The following ACBD6 variants were observed in gnomAD, a reference collection of about 807,000 sequenced individuals.
ACBD6 encodes acyl-CoA binding domain containing 6.
ACBD6 carries 28 observed loss-of-function variants against 37.2 expected under a neutral mutation model. That is an observed-to-expected ratio of 0.75 (90% CI 0.56 to 1.03). ACBD6 has a LOEUF of 1.03. Ranked by LOEUF, ACBD6 falls within the 50% of genes least tolerant of loss-of-function variation. The pLI is 0.00. For missense variants in ACBD6, 340 were observed against 337.4 expected, an observed-to-expected ratio of 1.01 and a Z score of -0.06; for synonymous variants, 113 against 126.8, an observed-to-expected ratio of 0.89 and a Z score of 0.73.
At chr1:180,495,358 A>T (rs924554676) in intron 2 of ACBD6, 103 bp downstream of exon 2, 2 of 801,232 alleles carry the variant, frequency 2.5e-6, no homozygotes, top group African/African-American at 3.5e-5. Context: ...GCAGAGAGAG[A>T]GATTAATATA....
chr1:180,281,830 C>A (rs1649323903), intron 8 of ACBD6, among the ~76,000 whole-genome samples: 1 of 152,114 alleles, frequency 6.6e-6, no homozygotes, highest in African/African-American at 2.4e-5. Context: ...TATTATCATC[C>A]TTCTAAAAGG....
chr1:180,376,008 AGAAAAATGGG>A (rs1256071224), intron 6 of ACBD6, among the ~76,000 whole-genome samples: 1 of 152,214 alleles, frequency 6.6e-6, no homozygotes, highest in African/African-American at 2.4e-5. Flanking sequence ...AAAACCTGAT[AGAAAAATGGG>A]GAAAAATGTG....
chr1:180,279,472 A>G (rs1424595041), intron 9 of ACBD6, among the ~76,000 whole-genome samples: 1 of 151,940 alleles, frequency 6.6e-6, no homozygotes, highest in African/African-American at 2.4e-5. Context: ...AATTTTTTGT[A>G]TTTTTAGTAG....
At chr1:180,388,125 A>C (rs921255530) in intron 6 of ACBD6, among the ~76,000 whole-genome samples, 1 of 151,088 alleles carries the variant, frequency 6.6e-6, no homozygotes, top group African/African-American at 2.4e-5. Flanking sequence ...GCAGTGAGCC[A>C]AGATCGCGCC....
chr1:180,366,028 A>T (rs909543899), intron 6 of ACBD6, among the ~76,000 whole-genome samples: 1 of 152,166 alleles, frequency 6.6e-6, no homozygotes, highest in Admixed American at 6.5e-5. Flanking sequence ...CTTCATCATT[A>T]ATTGGTTCTT....
intron 6 of ACBD6, among the ~76,000 whole-genome samples, chr1:180,353,424 T>C (rs796179559): frequency 2.6e-5 from 4 of 152,272 alleles, no homozygotes; most frequent in African/African-American, 9.6e-5. Context: ...TTGGGCAGCA[T>C]TTCATAGAAG....
chr1:180,383,720 C>G (rs1226318343), intron 6 of ACBD6, among the ~76,000 whole-genome samples: 1 of 152,014 alleles, frequency 6.6e-6, no homozygotes, highest in African/African-American at 2.4e-5. Flanking sequence ...TAAAGCAATC[C>G]TGAGCAAAAA....
chr1:180,501,905 C>CAAA (rs5779061), intron 1 of ACBD6, 140 bp downstream of exon 1: 229 of 610,500 alleles, frequency 3.8e-4, no homozygotes, highest in Middle Eastern at 6.1e-4. Flanking sequence ...AGCAGATGGT[C>CAAA]AAAAAAAAAA....
intron 4 of ACBD6, among the ~76,000 whole-genome samples, chr1:180,421,682 A>G (rs550777322): frequency 6.6e-6 from 1 of 152,130 alleles, no homozygotes; most frequent in South Asian, 2.1e-4. Flanking sequence ...TGACTTTTTA[A>G]TAACAGCCAT....
intron 4 of ACBD6, among the ~76,000 whole-genome samples, chr1:180,414,452 G>C (rs950119437): frequency 2.6e-5 from 4 of 152,198 alleles, no homozygotes; most frequent in Non-Finnish European, 5.9e-5. Flanking sequence ...GTGTCATACA[G>C]AAAGTTATTT....
chr1:180,454,289 T>C (rs1649826977), intron 3 of ACBD6, among the ~76,000 whole-genome samples: 1 of 152,184 alleles, frequency 6.6e-6, no homozygotes, highest in Non-Finnish European at 1.5e-5. Flanking sequence ...ATTCCCTATT[T>C]AATAAATGGT....
chr1:180,283,016 C>T (rs573586145), intron 8 of ACBD6, among the ~76,000 whole-genome samples: 3 of 110,140 alleles, frequency 2.7e-5, no homozygotes, highest in East Asian at 3.1e-4. Context: ...AACTCACAAA[C>T]GGAGCTAAAG....
At chr1:180,454,098 G>A (rs949835135) in intron 3 of ACBD6, among the ~76,000 whole-genome samples, 2 of 152,086 alleles carry the variant, frequency 1.3e-5, no homozygotes, top group African/African-American at 4.8e-5. Context: ...CAAAGCTGGA[G>A]GCATCACGCT....
intron 4 of ACBD6, among the ~76,000 whole-genome samples, chr1:180,416,186 TA>T (rs1293354584): frequency 1.3e-5 from 2 of 152,196 alleles, no homozygotes; most frequent in Non-Finnish European, 2.9e-5. Context: ...AAGCTGTTTT[TA>T]TACAATGTCA....
intron 3 of ACBD6, among the ~76,000 whole-genome samples, chr1:180,480,979 G>A (rs188533659): frequency 6.6e-6 from 1 of 151,780 alleles, no homozygotes; most frequent in Admixed American, 6.6e-5. Flanking sequence ...TGCAGTGAGC[G>A]GAGATCGCAC....
intron 6 of ACBD6, among the ~76,000 whole-genome samples, chr1:180,347,833 T>G (rs895373740): frequency 3.3e-5 from 5 of 151,760 alleles, no homozygotes; most frequent in Non-Finnish European, 5.9e-5. Context: ...TAGCCGGGCG[T>G]GGTGGCGGGC....
chr1:180,468,238 C>T (rs893852318), intron 3 of ACBD6, among the ~76,000 whole-genome samples: 1 of 152,186 alleles, frequency 6.6e-6, no homozygotes, highest in Non-Finnish European at 1.5e-5. Context: ...AACTTCTGGG[C>T]TTGCTAGGTA....
chr1:180,384,362 T>C (rs1036479698), intron 6 of ACBD6, among the ~76,000 whole-genome samples: 3 of 152,132 alleles, frequency 2.0e-5, no homozygotes, highest in Non-Finnish European at 4.4e-5. Context: ...TAGACATTTC[T>C]CAAAAGTAGA....
Position 180,295,801 on chromosome 1 carries a change from A to ATCCCTCGTCTATCCCTCTCCTTGGGTC in ACBD6, c.695-7311_695-7285dup, listed in dbSNP as rs529753521. ...TTCTGACTGTACCATGGAACAGCCAATCCCTCGTCTATCCCTCTCCTTGGG... is the reference window on the plus strand; with the variant it reads ...TTCTGACTGTACCATGGAACAGCCAATCCCTCGTCTATCCCTCTCCTTGGGTCTCCCTCGTCTATCCCTCTCCTTGGG... On this transcript the variant is annotated intron_variant, in intron 7 of 7. Transcript: ENST00000367595. 2.6e-4 allele frequency among the ~76,000 whole-genome samples: 40 copies of ATCCCTCGTCTATCCCTCTCCTTGGGTC among 152,256 alleles called. No homozygotes were observed. In the East Asian group the frequency reaches 6.7e-3, roughly 26 times the overall value.
Sources: allele counts gnomAD v4.1 joint callset (sites outside exome capture counted in the v4.1 genomes callset), GRCh38; gene constraint gnomAD v4.1.1; transcripts MANE v1.5; gene names NCBI Gene and HGNC (gene_info 2026-07-23, HGNC 2026-07-21).